Variants in LRRC56 observed in about 807,000 individuals in gnomAD.
LRRC56 encodes the protein leucine rich repeat containing 56.
LRRC56 carries 41 observed loss-of-function variants against 47.8 expected under a neutral mutation model. That is an observed-to-expected ratio of 0.86 (90% CI 0.67 to 1.11). The LOEUF is 1.11. Among genes scored for constraint, LRRC56 ranks in the 50% most tolerant of loss-of-function variants. The pLI is 0.00. For missense variants in LRRC56, 759 were observed against 704.2 expected (o/e 1.08, Z -0.88); for synonymous variants, 387 against 311.2 (o/e 1.24, Z -2.56).
chr11:551,260 GT>G lies in LRRC56; in HGVS notation c.755del (p.Val252GlyfsTer158), dbSNP rs1424720789. ...PPRLSQDWLAVKEAIKKGNGL... is the reference protein window; with the variant it reads ...PPRLSQDWLAXKEAIKKGNGL... ...GCGGCTGAGCCAGGACTGGCTTGCG[GT>G]GAAGGAGGCCATCAAGAAGGGCAAC... On this transcript the variant is annotated frameshift_variant, in exon 9 of 14. Coordinates refer to ENST00000270115, the MANE Select transcript of LRRC56 (RefSeq NM_198075.4). LOFTEE classifies it high-confidence loss of function. 2 of 1,540,252 alleles carry G rather than the reference GT, an allele frequency of 1.3e-6. No individual in the cohort carries two copies. The highest frequency in any genetic ancestry group is 4.9e-5 in the East Asian group (2 of 40,498).
the LRRC56 span, among the ~76,000 whole-genome samples, chr11:512,382 C>T: frequency 1.3e-5 from 2 of 151,890 alleles, no homozygotes; most frequent in Non-Finnish European, 2.9e-5. Context: ...CACAGGTGCC[C>T]GCCACCACAC....
chr11:518,528 T>G, the LRRC56 span, among the ~76,000 whole-genome samples: 1 of 152,102 alleles, frequency 6.6e-6, no homozygotes, highest in Non-Finnish European at 1.5e-5. Flanking sequence ...GGGGTTTCAT[T>G]TGGCCAGGCT....
chr11:517,447 C>T, the LRRC56 span, among the ~76,000 whole-genome samples: 9 of 149,752 alleles, frequency 6.0e-5, no homozygotes, highest in African/African-American at 9.9e-5. Flanking sequence ...TGCCTCTGCC[C>T]GACCGCCCCA....
At chr11:535,289 C>CCG (rs1851408157), upstream of LRRC56, 1 of 141,190 alleles carries the variant, frequency 7.1e-6, no homozygotes, top group African/African-American at 2.7e-5. Context: ...GCCCCACCCA[C>CCG]CCGCCGCCGC....
the LRRC56 span, among the ~76,000 whole-genome samples, chr11:519,238 C>G: frequency 6.6e-6 from 1 of 151,528 alleles, no homozygotes; most frequent in Admixed American, 6.6e-5. Flanking sequence ...CCTAAAGGAA[C>G]GTGGCCTGAT....
intron 8 of LRRC56, 80 bp downstream of exon 8, chr11:550,352 T>C (rs1345737881): frequency 1.8e-5 from 24 of 1,354,008 alleles, no homozygotes; most frequent in Non-Finnish European, 2.1e-5. Context: ...GCCCCTCCTC[T>C]GGCCAGGTAC....
rs1486079826 is a variant in LRRC56, at chr11:554,028, T to A, written c.1381T>A (p.Ser461Thr). The change falls in exon 14 of 14, where the codon TCT becomes ACT. Residue 461 changes from serine (S) to threonine (T), a missense_variant. Physicochemically the swap from Ser to Thr is moderately conservative, Grantham distance 58. Transcript: ENST00000270115. ...SPPKHPRPRD[S>T]GSSSPRWSTD... ...TCCCAAGCACCCAAGGCCACGAGAT[T>A]CTGGCAGCAGCTCCCCGCGGTGGTC... 6.2e-7 allele frequency: 1 copy of A among 1,612,150 alleles called. No homozygotes were observed. The highest frequency in any genetic ancestry group is 1.1e-5 in the South Asian group (1 of 91,080).
At chr11:534,318 G>A (rs1447218022), upstream of LRRC56, 2 of 1,611,778 alleles carry the variant, frequency 1.2e-6, no homozygotes, top group Non-Finnish European at 1.7e-6. Context: ...CTTATATTCC[G>A]TCATCGCTCC....
At chr11:528,174 T>C in the LRRC56 span, among the ~76,000 whole-genome samples, 1 of 152,198 alleles carries the variant, frequency 6.6e-6, no homozygotes, top group Admixed American at 6.5e-5. Context: ...CCTGGATGGA[T>C]GTTGGGAGAG....
the LRRC56 span, chr11:529,371 C>G: frequency 6.6e-6 from 1 of 152,442 alleles, no homozygotes; most frequent in Non-Finnish European, 1.5e-5. Context: ...ATCCTCAGTT[C>G]AGGTTTTTGC....
the LRRC56 span, among the ~76,000 whole-genome samples, chr11:517,270 C>G: frequency 1.3e-5 from 2 of 151,926 alleles, no homozygotes; most frequent in Non-Finnish European, 2.9e-5. Context: ...CGGCCGCCAC[C>G]CCGTCTGGGA....
the LRRC56 span, chr11:532,403 G>A: frequency 6.6e-5 from 41 of 620,782 alleles, no homozygotes; most frequent in East Asian, 2.2e-4. Context: ...CTCGGCCCAC[G>A]GTCCCGGGGT....
chr11:550,175 G>T lies in LRRC56; in HGVS notation c.527G>T (p.Gly176Val). ...GAGGGCAACAGCGTGGAGGACCTGG[G>T]GCAGGTGCGCTACTTGCAGCTGTGC... ...DLEGNSVEDL[G>V]QVRYLQLCPR... The change falls in exon 8 of 14, where the codon GGG (glycine) becomes GTG (valine). Residue 176 changes from glycine to valine, a missense_variant. Coordinates refer to ENST00000270115, the MANE Select transcript of LRRC56 (RefSeq NM_198075.4). 1 of 1,613,188 alleles carries T rather than the reference G, an allele frequency of 6.2e-7. No individual in the cohort carries two copies. Among genetic ancestry groups the T allele is most frequent in the Non-Finnish European group, 8.5e-7 (1 of 1,179,846 alleles).
Position 550,222 on chromosome 11 carries a change from C to A in LRRC56, c.574C>A (p.Leu192Met). The A allele has an allele frequency of 6.2e-7, 1 of 1,611,990 alleles. No homozygotes were observed. Among genetic ancestry groups the A allele is most frequent in the Non-Finnish European group, 8.5e-7 (1 of 1,179,456 alleles). The change falls in exon 8 of 14, where the codon CTG (leucine) becomes ATG (methionine). Residue 192 changes from leucine to methionine, a missense_variant. Transcript: ENST00000270115. ...GTGCCCACGCCTGGCCATGCTCACC[C>A]TGGAGGGCAACCTGGTGTGCCTACA... ...QLCPRLAMLT[L>M]EGNLVCLQPA...
At chr11:516,314 GC>G in the LRRC56 span, among the ~76,000 whole-genome samples, 7 of 152,026 alleles carry the variant, frequency 4.6e-5, no homozygotes, top group East Asian at 1.2e-3. Context: ...AATCACTTGA[GC>G]CCCAGAGGCG....
At position 540,676 on chromosome 11, in the gene LRRC56, G is replaced by T. The variant is rs762293470; in HGVS notation, c.-9G>T. 9 of 1,611,664 alleles carry T rather than the reference G, an allele frequency of 5.6e-6. No individual in the cohort carries two copies. The South Asian group carries it at 9.9e-5, about 18-fold the overall frequency. On this transcript the variant is annotated splice_region_variant and 5_prime_UTR_variant, in exon 4 of 14. Transcript: ENST00000270115. ...TTGCACTGTGCCTCTGTCAGCAGGTGACATGTGAATGGATCTGGGCTGGGA... is the reference window on the plus strand; with the variant it reads ...TTGCACTGTGCCTCTGTCAGCAGGTTACATGTGAATGGATCTGGGCTGGGA...
chr11:549,600 G>C (rs568140481), intron 6 of LRRC56, among the ~76,000 whole-genome samples: 8 of 152,354 alleles, frequency 5.3e-5, no homozygotes, highest in African/African-American at 1.9e-4. Flanking sequence ...GAAAGAGAAA[G>C]GTGATGCCTG....
At chr11:509,898 TACTC>T in the LRRC56 span, among the ~76,000 whole-genome samples, 3 of 151,944 alleles carry the variant, frequency 2.0e-5, no homozygotes, top group African/African-American at 7.3e-5. Flanking sequence ...TTTTTAAACT[TACTC>T]AGTTCACCCA....
chr11:543,943 T>A (rs1382642777), intron 5 of LRRC56, among the ~76,000 whole-genome samples: 2 of 151,934 alleles, frequency 1.3e-5, no homozygotes, highest in Non-Finnish European at 2.9e-5. Context: ...AGAGACGGGG[T>A]TTCACCGTGT....
Sources: allele counts gnomAD v4.1 joint callset (sites outside exome capture counted in the v4.1 genomes callset), GRCh38; gene constraint gnomAD v4.1.1; transcripts MANE v1.5; gene names NCBI Gene and HGNC (gene_info 2026-07-23, HGNC 2026-07-21).